Variants in MED26 observed in about 807,000 individuals in gnomAD.
The protein encoded by MED26 is mediator complex subunit 26.
MED26 carries 7 observed loss-of-function variants against 43.7 expected under a neutral mutation model. The ratio of observed to expected loss-of-function variants is 0.16; its 90% CI spans 0.09 to 0.30. The LOEUF is 0.30. Ranked by LOEUF, MED26 falls within the 10% of genes least tolerant of loss-of-function variation. The probability of loss-of-function intolerance (pLI) is 1.00; values close to 1 mark genes in which losing one functional copy is unlikely to be tolerated. For synonymous variants in MED26, 375 were observed against 371.1 expected (o/e 1.01, Z -0.12); for missense variants, 784 against 840.6 (o/e 0.93, Z 0.83).
At chr19:16,593,014 C>T (rs987901831) in intron 1 of MED26, among the ~76,000 whole-genome samples, 4 of 152,214 alleles carry the variant, frequency 2.6e-5, no homozygotes, top group Admixed American at 6.5e-5. Flanking sequence ...TGGCTGGCGC[C>T]GACTCTGTAG....
chr19:16,613,738 A>T (rs530064156), intron 1 of MED26, among the ~76,000 whole-genome samples: 1 of 152,214 alleles, frequency 6.6e-6, no homozygotes, highest in South Asian at 2.1e-4. Flanking sequence ...CAGAGTGAGC[A>T]CACAGTAAGA....
intron 1 of MED26, among the ~76,000 whole-genome samples, chr19:16,593,065 C>T (rs2086105211): frequency 6.6e-6 from 1 of 152,226 alleles, no homozygotes; most frequent in South Asian, 2.1e-4. Context: ...ATCCAGACAC[C>T]AGCACCTGGT....
chr19:16,617,366 C>T (rs533325628), intron 1 of MED26, among the ~76,000 whole-genome samples: 63 of 152,190 alleles, frequency 4.1e-4, no homozygotes, highest in Non-Finnish European at 7.9e-4. Context: ...GAAACACCTC[C>T]CTGACTTACT....
At chr19:16,625,405 CA>C (rs1422361482) in intron 1 of MED26, among the ~76,000 whole-genome samples, 4 of 152,236 alleles carry the variant, frequency 2.6e-5, no homozygotes, top group African/African-American at 9.6e-5. Flanking sequence ...CAGTTCCTGA[CA>C]CCGATTTTGC....
intron 1 of MED26, among the ~76,000 whole-genome samples, chr19:16,594,655 G>GA (rs1262993590): frequency 6.6e-6 from 1 of 151,968 alleles, no homozygotes; most frequent in East Asian, 1.9e-4. Context: ...GAAGAAGGGG[G>GA]AAAAAACCAG....
At chr19:16,620,180 A>G (rs1200982162) in intron 1 of MED26, among the ~76,000 whole-genome samples, 5 of 152,186 alleles carry the variant, frequency 3.3e-5, no homozygotes, top group African/African-American at 1.2e-4. Context: ...CAGTGCACAG[A>G]TGAATCCAGC....
chr19:16,601,371 T>C (rs2086148555), intron 1 of MED26, among the ~76,000 whole-genome samples: 1 of 152,076 alleles, frequency 6.6e-6, no homozygotes, highest in Non-Finnish European at 1.5e-5. Flanking sequence ...GTCAGGCTGG[T>C]CTCAAACTCC....
chr19:16,589,496 G>A (rs1464260052), intron 1 of MED26: 2 of 152,086 alleles, frequency 1.3e-5, no homozygotes, highest in Non-Finnish European at 2.9e-5. Flanking sequence ...TCAAAACAAC[G>A]TTGAGTCAAA....
chr19:16,578,624 TG>T (rs1047748265), intron 1 of MED26: 49 of 570,478 alleles, frequency 8.6e-5, no homozygotes, highest in Non-Finnish European at 3.1e-6. Context: ...CTCCAGTGTG[TG>T]GTGTGCGGGC....
At position 16,601,720 on chromosome 19, in the gene MED26, CAAGTA is replaced by C. The variant is rs548406024; in HGVS notation, c.73-23316_73-23312del. On this transcript the variant is annotated intron_variant, in intron 1 of 2. Coordinates refer to ENST00000263390, the MANE Select transcript of MED26 (RefSeq NM_004831.5). ...GGGAGGCAAGGACCCGGGAGCAGCA[CAAGTA>C]AAGGGCTGGGCACACAGCAGCGCAG... Among the ~76,000 whole-genome samples, 190 of 152,308 alleles carry C rather than the reference CAAGTA, an allele frequency of 1.2e-3. 1 individual carries two copies. The highest frequency in any genetic ancestry group is 8.6e-3 in the Admixed American group (131 of 15,302).
At position 16,577,480 on chromosome 19, in the gene MED26, G is replaced by A. The variant is rs371851199; in HGVS notation, c.350C>T (p.Ala117Val). Residue 117 changes from alanine (A) to valine (V), a missense_variant, in exon 3 of 3, where the codon GCG becomes GTG. This residue lies in a region of MED26 where 719 missense variants were observed against 730.9 expected (regional missense o/e 0.98). Coordinates refer to ENST00000263390, the MANE Select transcript of MED26 (RefSeq NM_004831.5). This position sits in a 1 kb window ranked among gnomAD's most constrained non-coding sequence, Gnocchi z 8.1. The part of the protein sequence containing the change: ...GAHNCRPEVG[A>V]AGPPRSIHDL... Reference sequence around the variant, plus strand: ...ATGGATGCTCCTGGGTGGGCCAGCCGCCCCCACCTCCGGCCGGCAGTTGTG... The same window carrying A: ...ATGGATGCTCCTGGGTGGGCCAGCCACCCCCACCTCCGGCCGGCAGTTGTG... 76 of 1,587,780 alleles carry A rather than the reference G, an allele frequency of 4.8e-5. No homozygotes were observed. Among genetic ancestry groups the A allele is most frequent in the Non-Finnish European group, 5.8e-5 (67 of 1,164,326 alleles).
At chr19:16,615,288 C>A (rs2086219147) in intron 1 of MED26, among the ~76,000 whole-genome samples, 1 of 152,098 alleles carries the variant, frequency 6.6e-6, no homozygotes, top group African/African-American at 2.4e-5. Flanking sequence ...AGCAGCTGAG[C>A]ATGGCTGGAG....
At chr19:16,618,432 C>T (rs1033323747) in intron 1 of MED26, among the ~76,000 whole-genome samples, 6 of 152,232 alleles carry the variant, frequency 3.9e-5, no homozygotes, top group Admixed American at 1.3e-4. Context: ...AGCACCTGCA[C>T]TCGGACAGCG....
Position 16,627,927 on chromosome 19 carries a change from G to T in MED26, c.17C>A (p.Ala6Glu). The change falls in exon 1 of 3, where the codon GCG (alanine) becomes GAG (glutamate). Residue 6 changes from alanine to glutamate, a missense_variant. Physicochemically the swap from Ala to Glu is moderately radical, Grantham distance 107. Coordinates refer to ENST00000263390, the MANE Select transcript of MED26 (RefSeq NM_004831.5). The part of the protein sequence containing the change: MTAAP[A>E]SPQQIRDRLL... ...CCGGTCCCTGATCTGCTGCGGAGAC[G>T]CCGGAGCCGCTGTCATTGCCTGGGC... The T allele has an allele frequency of 6.7e-7, 1 of 1,488,994 alleles. No homozygotes were observed. The allele number at this position is 1,488,994 out of a possible 1,614,324, so 92.2% of individuals were successfully genotyped here. A position where few individuals can be genotyped will look rare whatever the true frequency, so the allele number is the denominator to read the frequency against.
intron 1 of MED26, among the ~76,000 whole-genome samples, chr19:16,614,773 C>T (rs2122447230): frequency 6.6e-6 from 1 of 152,282 alleles, no homozygotes; most frequent in South Asian, 2.1e-4. Context: ...GGGAGGAATC[C>T]AAAGGGCTGA....
At position 16,575,190 on chromosome 19, in the gene MED26, C is replaced by A. The variant is rs944162565; in HGVS notation, c.*837G>T. The A allele has an allele frequency of 6.6e-6, 1 of 152,406 alleles. No homozygotes were observed. Among genetic ancestry groups the A allele is most frequent in the African/African-American group, 2.4e-5 (1 of 41,324 alleles). The allele number at this position is 152,406 out of a possible 1,614,324, so 9.4% of individuals were successfully genotyped here. On this transcript the variant is annotated 3_prime_UTR_variant, in exon 3 of 3. Coordinates refer to ENST00000263390, the MANE Select transcript of MED26 (RefSeq NM_004831.5). ...ATAAAACCAGTAGCACCCACAATAA[C>A]TTTTGTGTTGTTTTGGGGGGACTCT...
At chr19:16,621,902 T>G (rs1358871392) in intron 1 of MED26, among the ~76,000 whole-genome samples, 1 of 152,106 alleles carries the variant, frequency 6.6e-6, no homozygotes, top group South Asian at 2.1e-4. Context: ...ACCAGTGCCA[T>G]GTAATGCTAC....
intron 1 of MED26, among the ~76,000 whole-genome samples, chr19:16,599,628 C>G (rs759453552): frequency 3.2e-4 from 49 of 152,172 alleles, no homozygotes; most frequent in Non-Finnish European, 5.9e-4. Flanking sequence ...GGCCCTCTGA[C>G]TCCTGATCAC....
chr19:16,604,455 A>G (rs969422038), intron 1 of MED26, among the ~76,000 whole-genome samples: 2 of 152,330 alleles, frequency 1.3e-5, no homozygotes, highest in Admixed American at 6.5e-5. Context: ...AGTCAGTGAG[A>G]AAAAAGGGAA....
Sources: gnomAD v4.1 joint callset for allele counts (sites outside exome capture counted in the v4.1 genomes callset) on GRCh38, gnomAD v4.1.1 for gene constraint, gnomAD v4.1.1 regional missense constraint, Gnocchi (gnomAD v3.1) non-coding constraint, MANE v1.5 for transcripts, NCBI Gene and HGNC (gene_info 2026-07-23, HGNC 2026-07-21) for gene names.